Variants in BCL7B observed in about 807,000 individuals in gnomAD.
BCL7B encodes BAF chromatin remodeling complex subunit BCL7B, also known as B-cell CLL/lymphoma 7 protein family member B.
In BCL7B, 11 loss-of-function variants were observed where a neutral mutation model predicts 26.5. The ratio of observed to expected loss-of-function variants is 0.42; its 90% CI spans 0.26 to 0.69. The LOEUF (loss-of-function observed/expected upper bound fraction) is 0.69. Among genes scored for constraint, BCL7B ranks in the 30% least tolerant of loss-of-function variants. The probability of loss-of-function intolerance (pLI) is 0.28; values close to 1 mark genes in which losing one functional copy is unlikely to be tolerated. For missense variants in BCL7B, 215 were observed against 264.4 expected (o/e 0.81, Z 1.30); for synonymous variants, 111 against 107.9 (o/e 1.03, Z -0.18).
chr7:73,544,597 G>A (rs1435912244), intron 2 of BCL7B, among the ~76,000 whole-genome samples: 1 of 152,056 alleles, frequency 6.6e-6, no homozygotes, highest in African/African-American at 2.4e-5. Flanking sequence ...CTTCATAACA[G>A]CCTGGGCGAA....
At chr7:73,554,044 T>C (rs983988277) in intron 1 of BCL7B, among the ~76,000 whole-genome samples, 2 of 151,534 alleles carry the variant, frequency 1.3e-5, no homozygotes, top group African/African-American at 4.8e-5. Flanking sequence ...CACCACTCCT[T>C]GCGGCCTCAA....
chr7:73,557,029 C>T, intron 1 of BCL7B: 2 of 987,628 alleles, frequency 2.0e-6, no homozygotes, highest in African/African-American at 1.7e-5. Context: ...ATGGACTAAC[C>T]CAGAAACTCA....
At chr7:73,550,611 G>T (rs923291791) in intron 2 of BCL7B, among the ~76,000 whole-genome samples, 2 of 151,050 alleles carry the variant, frequency 1.3e-5, no homozygotes, top group Non-Finnish European at 2.9e-5. Context: ...ATACAAAGAG[G>T]TTCTGGCAAA....
chr7:73,544,686 T>A (rs782652164), intron 2 of BCL7B, among the ~76,000 whole-genome samples: 38 of 152,218 alleles, frequency 2.5e-4, no homozygotes, highest in Non-Finnish European at 4.9e-4. Context: ...TATTTTTACC[T>A]ATAACATTTG....
chr7:73,543,781 G>T, intron 2 of BCL7B, 137 bp from the exon 3 acceptor site: 1 of 644,200 alleles, frequency 1.6e-6, no homozygotes, highest in Non-Finnish European at 2.7e-6. Context: ...GAGAATCCAA[G>T]GACCCAAGGA....
chr7:73,541,985 A>G (rs559927357), intron 3 of BCL7B, among the ~76,000 whole-genome samples: 1 of 152,140 alleles, frequency 6.6e-6, no homozygotes, highest in Non-Finnish European at 1.5e-5. Flanking sequence ...CAGACCTCCC[A>G]ACACAGCCCC....
chr7:73,552,090 CCCAAAAAAAAAAAAAAAGAGGCAA>C, intron 2 of BCL7B, 53 bp downstream of exon 2: 1 of 1,211,246 alleles, frequency 8.3e-7, no homozygotes, highest in Non-Finnish European at 1.2e-6. Context: ...GAGACTCCGT[CCCAAAAAAAAAAAAAAAGAGGCAA>C]TCAAATAAAG....
intron 2 of BCL7B, among the ~76,000 whole-genome samples, chr7:73,549,437 G>C (rs1315527647): frequency 6.6e-6 from 1 of 152,144 alleles, no homozygotes; most frequent in Non-Finnish European, 1.5e-5. Context: ...CCAGCTATTT[G>C]GGAGGCTGAG....
chr7:73,541,361 C>A (rs1481735140), intron 3 of BCL7B, among the ~76,000 whole-genome samples: 1 of 152,090 alleles, frequency 6.6e-6, no homozygotes, highest in Non-Finnish European at 1.5e-5. Context: ...GCCCTGCCTC[C>A]AGTCTCACGT....
At chr7:73,550,651 T>TTTG (rs1198669726) in intron 2 of BCL7B, among the ~76,000 whole-genome samples, 1 of 151,854 alleles carries the variant, frequency 6.6e-6, no homozygotes. Flanking sequence ...TTTGTTTTTT[T>TTTG]TTTGTTTGTT....
intron 2 of BCL7B, among the ~76,000 whole-genome samples, chr7:73,548,247 G>C (rs562434759): frequency 2.6e-5 from 4 of 151,936 alleles, no homozygotes; most frequent in African/African-American, 9.7e-5. Context: ...GGCCAACATG[G>C]TAAAACCCTG....
chr7:73,554,796 CAAAA>C (rs550024405), intron 1 of BCL7B, among the ~76,000 whole-genome samples: 5 of 60,796 alleles, frequency 8.2e-5, no homozygotes, highest in Non-Finnish European at 1.7e-4. Flanking sequence ...GACTGGGTCT[CAAAA>C]AAAAAAAAAA....
Position 73,537,385 on chromosome 7 carries a change from A to G in BCL7B, c.522T>C (p.Val174=), listed in dbSNP as rs1791579813. The change falls in exon 6 of 6, where the codon GTT becomes GTC. Residue 174 remains valine, a synonymous_variant. Coordinates refer to ENST00000223368, the MANE Select transcript of BCL7B (RefSeq NM_001707.4). ...GGGCACCTGAGTCTTCCTCTTCCTC[A>G]ACGACCTAGGAGCAGGCAGAGCATG... ...EEPVPLETQV[V]EEEEDSGAPP... 1 of 1,613,846 alleles carries G rather than the reference A, an allele frequency of 6.2e-7. No individual in the cohort carries two copies. The highest frequency in any genetic ancestry group is 8.5e-7 in the Non-Finnish European group (1 of 1,179,878).
chr7:73,539,399 A>C (rs1791666899), intron 4 of BCL7B, among the ~76,000 whole-genome samples: 1 of 151,752 alleles, frequency 6.6e-6, no homozygotes. Flanking sequence ...TTACAGGCAC[A>C]TGCCACCACG....
At chr7:73,540,111 C>T (rs1313433503) in intron 3 of BCL7B, 59 bp from the exon 4 acceptor site, 1 of 1,560,580 alleles carries the variant, frequency 6.4e-7, no homozygotes, top group Non-Finnish European at 8.7e-7. Context: ...TCAAGAGGAA[C>T]TCTGGACAGA....
chr7:73,549,461 A>G (rs1792075403), intron 2 of BCL7B, among the ~76,000 whole-genome samples: 1 of 152,114 alleles, frequency 6.6e-6, no homozygotes, highest in African/African-American at 2.4e-5. Context: ...AGATCCCTTG[A>G]GCCCAAAAGT....
intron 2 of BCL7B, among the ~76,000 whole-genome samples, chr7:73,548,266 A>G (rs1325988097): frequency 6.6e-6 from 1 of 152,076 alleles, no homozygotes; most frequent in Non-Finnish European, 1.5e-5. Context: ...TGTCTCTACT[A>G]AAAATACAGA....
Position 73,537,310 on chromosome 7 carries a change from C to G in BCL7B, c.597G>C (p.Ala199=), listed in dbSNP as rs142166738. 5,809 of 1,614,024 alleles carry G rather than the reference C, an allele frequency of 3.6e-3. 18 individuals are homozygous for G. The highest frequency in any genetic ancestry group is 8.3e-3 in the Middle Eastern group (50 of 6,058). ...GGCCGGGATGGTGCTAGCTTTCTGA[C>G]GCCGTCTGCGGCACTGTGGGTTGGT... ...CVDQPTVPQT[A]SES is the part of the protein sequence containing the mutation. Residue 199 remains alanine (A), a synonymous_variant, in exon 6 of 6, where the codon GCG becomes GCC. Coordinates refer to ENST00000223368, the MANE Select transcript of BCL7B (RefSeq NM_001707.4).
chr7:73,555,344 G>A (rs1028703387), intron 1 of BCL7B, among the ~76,000 whole-genome samples: 4 of 149,520 alleles, frequency 2.7e-5, no homozygotes, highest in Non-Finnish European at 4.4e-5. Flanking sequence ...AGAGGTTGCC[G>A]TGAGCCAAGA....
Sources: allele counts gnomAD v4.1 joint callset (sites outside exome capture counted in the v4.1 genomes callset), GRCh38; gene constraint gnomAD v4.1.1; transcripts MANE v1.5; gene names NCBI Gene and HGNC (gene_info 2026-07-23, HGNC 2026-07-21).